The following SPAG9 variants were observed in gnomAD, a reference collection of about 807,000 sequenced individuals.
SPAG9 encodes the protein C-Jun-amino-terminal kinase-interacting protein 4.
SPAG9 carries 35 observed loss-of-function variants against 166.5 expected under a neutral mutation model. That is an observed-to-expected ratio of 0.21 (90% CI 0.16 to 0.28). SPAG9 has a LOEUF of 0.28. Among genes scored for constraint, SPAG9 ranks in the 10% least tolerant of loss-of-function variants. The pLI is 1.00. For missense variants in SPAG9, 1,235 were observed against 1,603.3 expected, an observed-to-expected ratio of 0.77 and a Z score of 3.92; for synonymous variants, 534 against 565.5, an observed-to-expected ratio of 0.94 and a Z score of 0.79.
At chr17:50,969,367 G>A (rs1226110272) in intron 29 of SPAG9, among the ~76,000 whole-genome samples, 4 of 152,078 alleles carry the variant, frequency 2.6e-5, no homozygotes, top group Non-Finnish European at 5.9e-5. Context: ...TGACAGTCCT[G>A]AGCTCTATGG....
intron 2 of SPAG9, among the ~76,000 whole-genome samples, chr17:51,073,730 G>C (rs930639958): frequency 1.3e-5 from 2 of 152,052 alleles, no homozygotes; most frequent in African/African-American, 4.8e-5. Flanking sequence ...ACAAAAGGAA[G>C]AGAAAGGAAA....
At chr17:51,105,935 T>C (rs939915193) in intron 1 of SPAG9, among the ~76,000 whole-genome samples, 1 of 151,756 alleles carries the variant, frequency 6.6e-6, no homozygotes, top group Non-Finnish European at 1.5e-5. Flanking sequence ...CCATCTAAAG[T>C]GCCTACCTCT....
chr17:51,117,783 A>G (rs1189108566), intron 1 of SPAG9, among the ~76,000 whole-genome samples: 6 of 150,612 alleles, frequency 4.0e-5, no homozygotes, highest in Non-Finnish European at 5.9e-5. Flanking sequence ...CACTCTACAT[A>G]TTGGCCAAAG....
At chr17:51,057,648 T>C (rs943167920) in intron 2 of SPAG9, among the ~76,000 whole-genome samples, 1 of 152,202 alleles carries the variant, frequency 6.6e-6, no homozygotes, top group African/African-American at 2.4e-5. Context: ...ATCTTGAAAA[T>C]ATGTGATTAG....
At chr17:51,088,011 C>T (rs949563744) in intron 1 of SPAG9, among the ~76,000 whole-genome samples, 2 of 152,224 alleles carry the variant, frequency 1.3e-5, no homozygotes, top group Non-Finnish European at 1.5e-5. Flanking sequence ...TCCCAAAGTG[C>T]TGGGATTATA....
intron 1 of SPAG9, among the ~76,000 whole-genome samples, chr17:51,112,379 A>C (rs960455493): frequency 6.6e-6 from 1 of 150,812 alleles, no homozygotes; most frequent in African/African-American, 2.4e-5. Context: ...ACAAAAAAAA[A>C]AAAAAAAAAA....
Position 51,020,161 on chromosome 17 carries a change from T to G in SPAG9, c.1089A>C (p.Ser363=), listed in dbSNP as rs200715473. ...MDKDLSGYKG[S]STPTKGIENK... Reference sequence around the variant, plus strand: ...TCTTCATCTAACATTTATGTTACCTTGAACCTTTATATCCACTGAGATCTT... The same window carrying G: ...TCTTCATCTAACATTTATGTTACCTGGAACCTTTATATCCACTGAGATCTT... The change falls in exon 8 of 30, where the codon TCA becomes TCC. Residue 363 remains serine, a splice_region_variant and synonymous_variant. Transcript: ENST00000262013. 6.3e-7 allele frequency: 1 copy of G among 1,599,226 alleles called. No homozygotes were observed. The highest frequency in any genetic ancestry group is 1.1e-5 in the South Asian group (1 of 90,718).
At chr17:51,091,273 CAAA>C (rs77408635) in intron 1 of SPAG9, among the ~76,000 whole-genome samples, 7 of 49,128 alleles carry the variant, frequency 1.4e-4, no homozygotes, top group Non-Finnish European at 1.4e-4. Context: ...ACCCTGTATA[CAAA>C]AAAAAAAAAA....
chr17:51,014,780 A>G (rs1345234806), intron 8 of SPAG9: 1 of 151,116 alleles, frequency 6.6e-6, no homozygotes, highest in African/African-American at 2.5e-5. Context: ...TACACATACA[A>G]AATTAAAATT....
intron 1 of SPAG9, among the ~76,000 whole-genome samples, chr17:51,107,219 A>C (rs1026773634): frequency 2.0e-5 from 3 of 152,006 alleles, no homozygotes; most frequent in African/African-American, 7.2e-5. Flanking sequence ...AGGTAGAACT[A>C]GAGAATCATA....
At chr17:51,024,431 A>C (rs2046071493) in intron 6 of SPAG9, among the ~76,000 whole-genome samples, 1 of 152,074 alleles carries the variant, frequency 6.6e-6, no homozygotes, top group South Asian at 2.1e-4. Flanking sequence ...CCATGTTAAG[A>C]GTACAATACT....
intron 13 of SPAG9, among the ~76,000 whole-genome samples, chr17:51,000,218 T>C (rs80114057): frequency 0.025 from 3,880 of 152,258 alleles, 171 homozygotes; most frequent in East Asian, 0.19. Context: ...ATAAACTGGA[T>C]TGACAGGTGA....
At chr17:51,060,850 T>G (rs1031586636) in intron 2 of SPAG9, among the ~76,000 whole-genome samples, 3 of 151,144 alleles carry the variant, frequency 2.0e-5, no homozygotes, top group Admixed American at 6.6e-5. Flanking sequence ...TTTTTTTGTT[T>G]TTTTTTTTTT....
rs1256900920 is a variant in SPAG9 at position 50,963,060 on chromosome 17, G to GT, written c.*3211dup. ...CAGAGATTTTAACCTGCATTTAAGA[G>GT]TAAGTGTTAGGTTGAGGCATATGAT... On this transcript the variant is annotated 3_prime_UTR_variant, in exon 30 of 30. Coordinates refer to ENST00000262013, the MANE Select transcript of SPAG9 (RefSeq NM_001130528.3). The GT allele has an allele frequency of 6.6e-6, 1 of 152,226 alleles. No individual in the cohort carries two copies. Among genetic ancestry groups the GT allele is most frequent in the Non-Finnish European group, 1.5e-5 (1 of 68,042 alleles). 9.4% of individuals were successfully genotyped at this position (152,226 alleles called of 1,614,324 possible).
intron 5 of SPAG9, among the ~76,000 whole-genome samples, chr17:51,033,023 GTT>G (rs57702261): frequency 2.7e-5 from 4 of 146,760 alleles, no homozygotes; most frequent in African/African-American, 9.9e-5. Flanking sequence ...AACAGATGTG[GTT>G]TTTTTTTTTC....
Position 51,079,681 on chromosome 17 carries a change from A to G in SPAG9, c.327T>C (p.Ser109=), listed in dbSNP as rs763294041. Residue 109 remains serine (S), a synonymous_variant, in exon 2 of 30, where the codon TCT becomes TCC. Coordinates refer to ENST00000262013, the MANE Select transcript of SPAG9 (RefSeq NM_001130528.3). The part of the protein sequence containing the change: ...AEEKFIEFED[S]QEQEKKDLQT... ...GTAAGTCCTTTTTTTCCTGTTCTTG[A>G]GAGTCTTCAAATTCAATGAATTTCT... The G allele has an allele frequency of 6.4e-7, 1 of 1,572,106 alleles. No individual in the cohort carries two copies. The highest frequency in any genetic ancestry group is 8.7e-7 in the Non-Finnish European group (1 of 1,144,226).
chr17:51,072,220 C>G (rs886177603), intron 2 of SPAG9, among the ~76,000 whole-genome samples: 21 of 102,190 alleles, frequency 2.1e-4, no homozygotes, highest in African/African-American at 6.2e-4. Flanking sequence ...TACAGGCATG[C>G]GCCACCACAC....
intron 1 of SPAG9, among the ~76,000 whole-genome samples, chr17:51,111,231 T>G (rs1010358274): frequency 4.6e-5 from 7 of 152,206 alleles, no homozygotes; most frequent in Non-Finnish European, 1.0e-4. Flanking sequence ...AAATAACAGC[T>G]TTTTAAATAT....
intron 24 of SPAG9, among the ~76,000 whole-genome samples, chr17:50,984,189 T>C (rs1974857630): frequency 6.6e-6 from 1 of 152,074 alleles, no homozygotes; most frequent in African/African-American, 2.4e-5. Context: ...CCTCTATAGA[T>C]GAAACAATGG....
Sources: allele counts gnomAD v4.1 joint callset (sites outside exome capture counted in the v4.1 genomes callset), GRCh38; gene constraint gnomAD v4.1.1; transcripts MANE v1.5; gene names NCBI Gene and HGNC (gene_info 2026-07-23, HGNC 2026-07-21).